Variants in SCAF4 observed in about 807,000 individuals in gnomAD.
SCAF4 encodes SR-related and CTD-associated factor 4.
In SCAF4, 25 loss-of-function variants were observed where a neutral mutation model predicts 129.8. The ratio of observed to expected loss-of-function variants is 0.19; its 90% CI spans 0.14 to 0.27. The LOEUF (loss-of-function observed/expected upper bound fraction) is 0.27. Ranked by LOEUF, SCAF4 falls within the 10% of genes least tolerant of loss-of-function variation. The pLI is 1.00. For synonymous variants in SCAF4, 551 were observed against 497.7 expected, an observed-to-expected ratio of 1.11 and a Z score of -1.43; for missense variants, 1,246 against 1,457.1, an observed-to-expected ratio of 0.86 and a Z score of 2.36.
In SCAF4 at chr21:31,731,645, G is replaced by GC; in HGVS notation, c.30+17dup. 1 of 1,589,484 alleles carries GC rather than the reference G, an allele frequency of 6.3e-7. No individual in the cohort carries two copies. The highest frequency in any genetic ancestry group is 8.5e-7 in the Non-Finnish European group (1 of 1,172,804). On this transcript the variant is annotated intron_variant, in intron 1 of 19. Transcript: ENST00000286835. ...CCCGCAGCAGGCCCGGCACCCCCCT[G>GC]CCCCAAACACCCCTTACCTCCTGGT...
chr21:31,674,946 G>C (rs890067977), intron 19 of SCAF4, among the ~76,000 whole-genome samples: 1 of 152,172 alleles, frequency 6.6e-6, no homozygotes, highest in Non-Finnish European at 1.5e-5. Flanking sequence ...GTGGTATAGA[G>C]GTGGGACTCA....
In SCAF4 at chr21:31,690,906, A is replaced by G. The variant is rs745402653; in HGVS notation, c.1776T>C (p.Tyr592=). 1.9e-6 allele frequency: 3 copies of G among 1,613,402 alleles called. No homozygotes were observed. Among genetic ancestry groups the G allele is most frequent in the South Asian group, 1.1e-5 (1 of 90,916 alleles). Residue 592 remains tyrosine (Y), a synonymous_variant, in exon 15 of 20, where the codon TAT becomes TAC. Coordinates refer to ENST00000286835, the MANE Select transcript of SCAF4 (RefSeq NM_020706.2). The part of the protein sequence containing the change: ...NKGIKADYKQ[Y]WDVELGVTYI... ...AAGTAACACCAAGTTCTACATCCCA[A>G]TACTGCTTATAATCTGCCTTTATTC...
At chr21:31,700,756 TTC>T in intron 7 of SCAF4, 5 of 410,060 alleles carry the variant, frequency 1.2e-5, no homozygotes, top group South Asian at 3.5e-5. Flanking sequence ...TTTTTTTTTT[TTC>T]ACTTTTTTAA....
chr21:31,721,853 T>C (rs2051077770), intron 1 of SCAF4, among the ~76,000 whole-genome samples: 1 of 151,750 alleles, frequency 6.6e-6, no homozygotes, highest in South Asian at 2.1e-4. Context: ...CCTGAGTAGC[T>C]GGGATTACAG....
intron 19 of SCAF4, among the ~76,000 whole-genome samples, chr21:31,676,161 C>T (rs1378318648): frequency 1.3e-5 from 2 of 152,110 alleles, no homozygotes; most frequent in East Asian, 1.9e-4. Context: ...AAAAGAGGAA[C>T]GACTCAGTTC....
intron 1 of SCAF4, among the ~76,000 whole-genome samples, chr21:31,726,954 G>T (rs1453707762): frequency 6.6e-6 from 1 of 152,108 alleles, no homozygotes; most frequent in East Asian, 1.9e-4. Flanking sequence ...CCTGCAAGTG[G>T]GAGGAGGGTT....
intron 4 of SCAF4, among the ~76,000 whole-genome samples, chr21:31,703,079 T>C (rs2050573295): frequency 1.3e-5 from 2 of 152,160 alleles, no homozygotes; most frequent in African/African-American, 4.8e-5. Flanking sequence ...GCCAACTGTA[T>C]ATATAAGGAA....
chr21:31,676,972 C>T (rs2123470043), intron 19 of SCAF4, among the ~76,000 whole-genome samples: 1 of 152,194 alleles, frequency 6.6e-6, no homozygotes, highest in Admixed American at 6.5e-5. Context: ...GTGTGACTGA[C>T]TTTTGCTTGG....
Position 31,699,902 on chromosome 21 carries a change from T to C in SCAF4, c.777+1093A>G, listed in dbSNP as rs957246. ...ATCCTTAGTGGCAGCTTCTTAAACA[T>C]GCCTAAGAAACCTATAGGCCCGATA... is the stretch of plus-strand genomic sequence containing the variant. On this transcript the variant is annotated intron_variant, in intron 7 of 19. Coordinates refer to ENST00000286835, the MANE Select transcript of SCAF4 (RefSeq NM_020706.2). Among the ~76,000 whole-genome samples, 451 of 152,308 alleles carry C rather than the reference T, an allele frequency of 3.0e-3. 2 individuals carry two copies. The highest frequency in any genetic ancestry group is 0.01 in the African/African-American group (426 of 41,572).
At chr21:31,695,285 A>G (rs947834578) in intron 9 of SCAF4, among the ~76,000 whole-genome samples, 3 of 152,196 alleles carry the variant, frequency 2.0e-5, no homozygotes, top group Non-Finnish European at 4.4e-5. Flanking sequence ...TTCAAGTCAG[A>G]AGTACTCCAT....
At chr21:31,676,042 T>C (rs974048934) in intron 19 of SCAF4, among the ~76,000 whole-genome samples, 14 of 152,108 alleles carry the variant, frequency 9.2e-5, no homozygotes, top group Admixed American at 3.3e-4. Flanking sequence ...GAGACAGATA[T>C]AAAACATAAA....
chr21:31,728,355 G>T (rs1441056167), intron 1 of SCAF4, among the ~76,000 whole-genome samples: 1 of 151,982 alleles, frequency 6.6e-6, no homozygotes, highest in Admixed American at 6.6e-5. Context: ...AACCTCTAAA[G>T]ACTACTTTAC....
intron 19 of SCAF4, among the ~76,000 whole-genome samples, chr21:31,681,613 C>A (rs1004013466): frequency 5.3e-5 from 8 of 152,174 alleles, no homozygotes; most frequent in Admixed American, 2.6e-4. Flanking sequence ...ATGAAACTAC[C>A]ACCACTGTAG....
At chr21:31,700,182 TCACACACA>T (rs71193138) in intron 7 of SCAF4, among the ~76,000 whole-genome samples, 3 of 148,468 alleles carry the variant, frequency 2.0e-5, no homozygotes, top group Non-Finnish European at 4.5e-5. Flanking sequence ...ACACACACAC[TCACACACA>T]CACACACAAA....
intron 7 of SCAF4, among the ~76,000 whole-genome samples, chr21:31,697,070 T>C (rs2050405489): frequency 6.6e-6 from 1 of 152,188 alleles, no homozygotes; most frequent in South Asian, 2.1e-4. Flanking sequence ...TTCCCTAGCC[T>C]AAAAATGTCT....
At chr21:31,685,322 C>A in intron 18 of SCAF4, 76 bp downstream of exon 18, 1 of 1,493,556 alleles carries the variant, frequency 6.7e-7, no homozygotes, top group Non-Finnish European at 9.2e-7. Flanking sequence ...TACTATAGAT[C>A]CTATTACCGC....
chr21:31,702,036 T>C, intron 5 of SCAF4, 118 bp from the exon 6 acceptor site: 2 of 1,327,076 alleles, frequency 1.5e-6, no homozygotes, highest in Non-Finnish European at 2.1e-6. Context: ...AATATAGAGA[T>C]TGTGGCACTA....
chr21:31,691,487 A>C (rs1273705800), intron 14 of SCAF4, among the ~76,000 whole-genome samples: 1 of 152,114 alleles, frequency 6.6e-6, no homozygotes, highest in Non-Finnish European at 1.5e-5. Flanking sequence ...AAACTTTAAA[A>C]ATACAGTATC....
rs756120626 is a variant in SCAF4 at position 31,685,113 on chromosome 21, G to A, written c.2424C>T (p.Ala808=). 15 of 1,612,934 alleles carry A rather than the reference G, an allele frequency of 9.3e-6. 1 individual carries two copies. Among genetic ancestry groups the A allele is most frequent in the African/African-American group, 8.0e-5 (6 of 74,822 alleles). The change falls in exon 19 of 20, where the codon GCC becomes GCT. Residue 808 remains alanine, a synonymous_variant. Coordinates refer to ENST00000286835, the MANE Select transcript of SCAF4 (RefSeq NM_020706.2). ...SGDSVKMYGS[A]VPPAAPTNLP... ...GATTCGTGGGTGCAGCAGGTGGCAC[G>A]GCAGAGCCATACATTTTCACGCTGT...
Sources: allele counts gnomAD v4.1 joint callset (sites outside exome capture counted in the v4.1 genomes callset), GRCh38; gene constraint gnomAD v4.1.1; transcripts MANE v1.5; gene names NCBI Gene and HGNC (gene_info 2026-07-23, HGNC 2026-07-21).